VWA8: variants seen among roughly 807,000 people sequenced by gnomAD.
VWA8 encodes the protein von Willebrand factor A domain-containing protein 8.
Under a neutral mutation model 241.5 loss-of-function variants are expected in VWA8, and 221 were observed. The observed-to-expected ratio is 0.91, with a 90% CI of 0.82 to 1.02. The LOEUF (loss-of-function observed/expected upper bound fraction) is 1.02, where lower values mean the gene tolerates loss of function less well. VWA8 is among the 50% of genes least tolerant of loss of function. VWA8 has a pLI of 0.00. For missense variants in VWA8, 2,322 were observed against 2,328.7 expected, an observed-to-expected ratio of 1.00 and a Z score of 0.06; for synonymous variants, 852 against 827.1, an observed-to-expected ratio of 1.03 and a Z score of -0.52.
In VWA8 at chr13:41,865,753, G is replaced by A. The variant is rs1201480363; in HGVS notation, c.1408C>T (p.Pro470Ser). The A allele has an allele frequency of 6.2e-7, 1 of 1,613,968 alleles. No individual in the cohort carries two copies. Among genetic ancestry groups the A allele is most frequent in the Non-Finnish European group, 8.5e-7 (1 of 1,180,028 alleles). Residue 470 changes from proline to serine, a missense_variant, in exon 12 of 45, where the codon CCT becomes TCT. Pro to Ser is a moderately conservative substitution (Grantham distance 74, BLOSUM62 -1). Transcript: ENST00000379310. ...CACTGTACCTGATAGAGCATAATAG[G>A]TTCTATGTTGTATCCTAAGGTATCG... ...FADTLGYNIE[P>S]IMLYQDMTAR... is the part of the protein sequence containing the mutation.
At chr13:41,614,953 A>C in intron 38 of VWA8, 23 bp downstream of exon 38, 1 of 1,611,542 alleles carries the variant, frequency 6.2e-7, no homozygotes. Flanking sequence ...AGGCTGACTC[A>C]GGAGAATGCC....
chr13:41,924,937 T>TGCAGTGAGCCGAGATCCCGCCAC (rs1428271077), intron 2 of VWA8, among the ~76,000 whole-genome samples: 2 of 152,102 alleles, frequency 1.3e-5, no homozygotes, highest in Admixed American at 6.5e-5. Flanking sequence ...CCAAACAGAT[T>TGCAGTGAGCCGAGATCCCGCCAC]TAATCCAATA....
chr13:41,892,524 C>T (rs1874895842), intron 4 of VWA8, among the ~76,000 whole-genome samples: 1 of 152,106 alleles, frequency 6.6e-6, no homozygotes, highest in Non-Finnish European at 1.5e-5. Flanking sequence ...GAATTACATC[C>T]TTAACACACA....
rs372790973 is a variant in VWA8, at chr13:41,710,271, G to A, written c.3117-6860C>T. Among the ~76,000 whole-genome samples the A allele has an allele frequency of 2.6e-5, 4 of 152,154 alleles. 1 individual carries two copies. In the South Asian group the frequency reaches 8.3e-4, roughly 31 times the overall value. On this transcript the variant is annotated intron_variant, in intron 26 of 44. Transcript: ENST00000379310. ...GGTATATTTAGAAACGATAGCTACA[G>A]GTGGGGATTGGTGATTTCTATTCAG...
chr13:41,695,647 G>C (rs533017477), intron 29 of VWA8, among the ~76,000 whole-genome samples: 1 of 152,264 alleles, frequency 6.6e-6, no homozygotes, highest in African/African-American at 2.4e-5. Context: ...TTAGAGGACA[G>C]GTAGAGAGGA....
chr13:41,859,466 G>T (rs573936414), intron 12 of VWA8, among the ~76,000 whole-genome samples: 1 of 152,080 alleles, frequency 6.6e-6, no homozygotes, highest in Non-Finnish European at 1.5e-5. Context: ...ATAAACTTAC[G>T]TGCACTTGAA....
At chr13:41,791,687 A>G (rs1458397029) in intron 17 of VWA8, among the ~76,000 whole-genome samples, 1 of 151,884 alleles carries the variant, frequency 6.6e-6, no homozygotes, top group Admixed American at 6.6e-5. Flanking sequence ...CTCAATATTA[A>G]GGTGTTATGA....
At chr13:41,744,951 C>T (rs2045593621) in intron 21 of VWA8, among the ~76,000 whole-genome samples, 1 of 152,226 alleles carries the variant, frequency 6.6e-6, no homozygotes, top group East Asian at 1.9e-4. Context: ...CATTCTCCTG[C>T]CTCAGCCTCC....
intron 32 of VWA8, among the ~76,000 whole-genome samples, chr13:41,690,526 G>T (rs1034936334): frequency 2.0e-5 from 3 of 152,056 alleles, no homozygotes; most frequent in African/African-American, 4.8e-5. Context: ...GGGTTGTGGG[G>T]AGGGGAAGCA....
intron 21 of VWA8, among the ~76,000 whole-genome samples, chr13:41,759,307 A>G (rs1566445155): frequency 6.6e-6 from 1 of 151,430 alleles, no homozygotes. Context: ...CACTTTTATC[A>G]TTGTTCCCCT....
chr13:41,687,627 A>AT (rs954978617), intron 34 of VWA8, among the ~76,000 whole-genome samples: 1 of 151,914 alleles, frequency 6.6e-6, no homozygotes, highest in Non-Finnish European at 1.5e-5. Context: ...GTCTGTTTCT[A>AT]TTTTTTTCAT....
chr13:41,913,391 T>G (rs897246239), intron 2 of VWA8, among the ~76,000 whole-genome samples: 1 of 152,234 alleles, frequency 6.6e-6, no homozygotes, highest in Non-Finnish European at 1.5e-5. Flanking sequence ...TTTATTATGT[T>G]GCATTTTATA....
At chr13:41,909,037 C>T (rs925797233) in intron 3 of VWA8, among the ~76,000 whole-genome samples, 8 of 150,176 alleles carry the variant, frequency 5.3e-5, no homozygotes, top group Non-Finnish European at 1.0e-4. Context: ...ACTTTATGTA[C>T]GTAAAGGAGG....
At chr13:41,671,171 G>A (rs775200953) in intron 36 of VWA8, 24 bp from the exon 37 acceptor site, 25 of 1,612,108 alleles carry the variant, frequency 1.6e-5, no homozygotes, top group Non-Finnish European at 2.0e-5. Flanking sequence ...TCCAAGTGAA[G>A]CTAAGAGACC....
At chr13:41,643,616 T>C (rs2044811310) in intron 37 of VWA8, among the ~76,000 whole-genome samples, 2 of 152,218 alleles carry the variant, frequency 1.3e-5, no homozygotes, top group African/African-American at 4.8e-5. Flanking sequence ...GGTGAGTTAA[T>C]ACAGCCACAG....
intron 42 of VWA8, among the ~76,000 whole-genome samples, chr13:41,581,591 C>T (rs535044153): frequency 9.2e-5 from 14 of 152,266 alleles, no homozygotes; most frequent in African/African-American, 3.4e-4. Flanking sequence ...CTCACTGCCC[C>T]CCTCCACTGC....
rs1419958974 is a variant in VWA8, at chr13:41,689,487, T to C, written c.3998A>G (p.His1333Arg). 3 of 1,610,188 alleles carry C rather than the reference T, an allele frequency of 1.9e-6. No homozygotes were observed. The highest frequency in any genetic ancestry group is 1.7e-6 in the Non-Finnish European group (2 of 1,178,516). ...TGATAGTTGATCACTGGAAATTTTATGAGGTATGCTGAACTCTGTTTCTGA... is the reference window on the plus strand; with the variant it reads ...TGATAGTTGATCACTGGAAATTTTACGAGGTATGCTGAACTCTGTTTCTGA... The part of the protein sequence containing the change: ...VTQETEFSIP[H>R]KISSDQLSSE... Residue 1333 changes from histidine (H) to arginine (R), a missense_variant, in exon 34 of 45, where the codon CAT becomes CGT. Physicochemically the swap from His to Arg is conservative, Grantham distance 29. Transcript: ENST00000379310.
chr13:41,679,663 G>A (rs979931166), intron 35 of VWA8, among the ~76,000 whole-genome samples: 5 of 152,164 alleles, frequency 3.3e-5, no homozygotes, highest in Non-Finnish European at 7.4e-5. Flanking sequence ...GCCACCAGGA[G>A]AGTAGTCTTT....
chr13:41,675,093 G>A lies in VWA8; in HGVS notation c.4409+122C>T, dbSNP rs1219996002. 5 of 592,876 alleles carry A rather than the reference G, an allele frequency of 8.4e-6. No homozygotes were observed. In the African/African-American group the frequency reaches 9.8e-5, roughly 12 times the overall value. The allele number at this position is 592,876 out of a possible 1,614,324, so 36.7% of individuals were successfully genotyped here. On this transcript the variant is annotated intron_variant, in intron 36 of 44. Transcript: ENST00000379310. The stretch of plus-strand genomic sequence containing the variant: ...AGCAAGATAGAAACCAACTGTAACT[G>A]GAAAAAAAAAGAGCTTGCTATTTAA...
Sources: gnomAD v4.1 joint callset for allele counts (sites outside exome capture counted in the v4.1 genomes callset) on GRCh38, gnomAD v4.1.1 for gene constraint, MANE v1.5 for transcripts, NCBI Gene and HGNC (gene_info 2026-07-23, HGNC 2026-07-21) for gene names.